The following ADAMTS20 variants were observed in gnomAD, a reference collection of about 807,000 sequenced individuals.
ADAMTS20 encodes the protein ADAM metallopeptidase with thrombospondin type 1 motif 20.
In ADAMTS20, 225 loss-of-function variants were observed where a neutral mutation model predicts 260.1. That is an observed-to-expected ratio of 0.87 (90% CI 0.78 to 0.97). The LOEUF is 0.97. Ranked by LOEUF, ADAMTS20 falls within the 50% of genes least tolerant of loss-of-function variation. ADAMTS20 has a pLI of 0.00. For synonymous variants in ADAMTS20, 802 were observed against 769.5 expected (o/e 1.04, Z -0.70); for missense variants, 2,400 against 2,337.7 (o/e 1.03, Z -0.55).
chr12:43,495,027 T>C (rs2137434872), intron 4 of ADAMTS20, among the ~76,000 whole-genome samples: 1 of 152,330 alleles, frequency 6.6e-6, no homozygotes, highest in South Asian at 2.1e-4. Context: ...TCTACATGGC[T>C]AACTACTATA....
chr12:43,483,107 T>G (rs1364219781), intron 7 of ADAMTS20, among the ~76,000 whole-genome samples: 4 of 152,090 alleles, frequency 2.6e-5, no homozygotes, highest in African/African-American at 9.7e-5. Flanking sequence ...CTCTTCCACC[T>G]CCATCAGAGC....
intron 2 of ADAMTS20, among the ~76,000 whole-genome samples, chr12:43,538,606 G>C (rs1272035005): frequency 2.0e-5 from 3 of 152,130 alleles, no homozygotes; most frequent in Non-Finnish European, 2.9e-5. Context: ...CCAATGTCCT[G>C]AACATTTTCC....
chr12:43,516,217 C>T (rs909539812), intron 3 of ADAMTS20, among the ~76,000 whole-genome samples: 13 of 149,518 alleles, frequency 8.7e-5, no homozygotes, highest in East Asian at 7.7e-4. Context: ...CATGCTAGGG[C>T]CAGCCAAAAC....
At chr12:43,442,665 A>G (rs1428944384) in intron 16 of ADAMTS20, among the ~76,000 whole-genome samples, 2 of 152,228 alleles carry the variant, frequency 1.3e-5, no homozygotes, top group Non-Finnish European at 1.5e-5. Context: ...TTTATCTCCA[A>G]TATGGTAGCA....
chr12:43,431,181 C>T (rs1403174981), intron 22 of ADAMTS20, 151 bp downstream of exon 22: 1 of 681,488 alleles, frequency 1.5e-6, no homozygotes, highest in Non-Finnish European at 2.4e-6. Flanking sequence ...ACATGTTACA[C>T]ATAAAGATTC....
At chr12:43,378,936 C>G (rs1940289000) in intron 31 of ADAMTS20, among the ~76,000 whole-genome samples, 1 of 152,156 alleles carries the variant, frequency 6.6e-6, no homozygotes, top group Non-Finnish European at 1.5e-5. Context: ...ACATGGCTAA[C>G]TTTTGGTAAG....
chr12:43,399,766 G>C (rs1170154143), intron 28 of ADAMTS20, among the ~76,000 whole-genome samples: 1 of 152,100 alleles, frequency 6.6e-6, no homozygotes, highest in African/African-American at 2.4e-5. Flanking sequence ...CAGTCTGGAA[G>C]ATGTCTTTCT....
At chr12:43,386,813 C>T (rs1223868352) in intron 29 of ADAMTS20, among the ~76,000 whole-genome samples, 4 of 152,172 alleles carry the variant, frequency 2.6e-5, no homozygotes, top group Non-Finnish European at 4.4e-5. Flanking sequence ...ACGAAGTTCT[C>T]GTGCTGTGTT....
At chr12:43,497,471 C>G (rs1210832169) in intron 4 of ADAMTS20, among the ~76,000 whole-genome samples, 1 of 152,086 alleles carries the variant, frequency 6.6e-6, no homozygotes, top group Non-Finnish European at 1.5e-5. Flanking sequence ...TTACAAAGAT[C>G]ATTACTCTTT....
At chr12:43,446,440 T>A (rs911486936) in intron 15 of ADAMTS20, among the ~76,000 whole-genome samples, 155 bp downstream of exon 15, 2 of 152,168 alleles carry the variant, frequency 1.3e-5, no homozygotes, top group Non-Finnish European at 1.5e-5. Context: ...AGTATTTAAT[T>A]TTTTTATATT....
intron 19 of ADAMTS20, among the ~76,000 whole-genome samples, chr12:43,433,164 G>T (rs993625946): frequency 1.3e-5 from 2 of 152,086 alleles, no homozygotes; most frequent in Admixed American, 1.3e-4. Context: ...TAAGTATTTC[G>T]ATTTTATGAC....
At chr12:43,402,870 T>C (rs971230153) in intron 28 of ADAMTS20, among the ~76,000 whole-genome samples, 3 of 150,038 alleles carry the variant, frequency 2.0e-5, no homozygotes, top group African/African-American at 2.5e-5. Flanking sequence ...AAACTGTTAC[T>C]GAGATTTTTT....
rs1292949384 is a variant in ADAMTS20, at chr12:43,460,998, T to A, written c.1614+1897A>T. 1.8e-3 allele frequency among the ~76,000 whole-genome samples: 141 copies of A among 78,710 alleles called. 1 individual carries two copies. The highest frequency in any genetic ancestry group is 3.0e-3 in the South Asian group (4 of 1,316). The allele number at this position is 78,710 out of a possible 152,430, so 51.6% of individuals were successfully genotyped here. A position where few individuals can be genotyped will look rare whatever the true frequency, so the allele number is the denominator to read the frequency against. Reference sequence around the variant, plus strand: ...TATATATATATATATATTTTTTTTTTTTTTTTTTTTTTTGAGACGAAGTCT... The same window carrying A: ...TATATATATATATATATTTTTTTTTATTTTTTTTTTTTTGAGACGAAGTCT... On this transcript the variant is annotated intron_variant, in intron 11 of 38. Transcript: ENST00000389420.
intron 19 of ADAMTS20, among the ~76,000 whole-genome samples, chr12:43,433,602 C>T (rs1417045605): frequency 1.3e-5 from 2 of 151,900 alleles, no homozygotes; most frequent in African/African-American, 4.8e-5. Context: ...TAAATGGCAC[C>T]TGCTACAATG....
intron 2 of ADAMTS20, among the ~76,000 whole-genome samples, chr12:43,545,165 C>T (rs892819932): frequency 1.1e-4 from 16 of 152,272 alleles, no homozygotes; most frequent in East Asian, 5.8e-4. Flanking sequence ...CTTCCTTACC[C>T]GCAGTAGGGT....
chr12:43,504,046 A>G (rs769829002), intron 3 of ADAMTS20, among the ~76,000 whole-genome samples: 1 of 152,014 alleles, frequency 6.6e-6, no homozygotes, highest in Non-Finnish European at 1.5e-5. Flanking sequence ...GTCTTTATAG[A>G]ACAATTTATA....
In ADAMTS20 at chr12:43,376,262, G is replaced by A; in HGVS notation, c.5194C>T (p.Leu1732Phe). 6.4e-7 allele frequency: 1 copy of A among 1,554,450 alleles called. No homozygotes were observed. Among genetic ancestry groups the A allele is most frequent in the Non-Finnish European group, 8.7e-7 (1 of 1,147,456 alleles). Residue 1732 changes from leucine (L) to phenylalanine (F), a missense_variant, in exon 34 of 39, where the codon CTT (leucine) becomes TTT (phenylalanine). Physicochemically the swap from Leu to Phe is conservative, Grantham distance 22. Transcript: ENST00000389420. ...NHIRKDGDYYLNIKGRIIKIY... is the reference protein window; with the variant it reads ...NHIRKDGDYYFNIKGRIIKIY... ...TTTATTATTCTTCCCTTAATGTTAAGGTAATAGTCACCATCCTTTCTAATG... is the reference window on the plus strand; with the variant it reads ...TTTATTATTCTTCCCTTAATGTTAAAGTAATAGTCACCATCCTTTCTAATG...
rs774691396 is a variant in ADAMTS20 at position 43,354,191 on chromosome 12, C to G, written c.*18G>C. 2 of 1,535,482 alleles carry G rather than the reference C, an allele frequency of 1.3e-6. No homozygotes were observed. Among genetic ancestry groups the G allele is most frequent in the South Asian group, 2.4e-5 (2 of 84,156 alleles). ...GAGAATATCCCCTCTTTAGGGCATA[C>G]TTCCCCCTTCTAAATGTTCATATGA... is the stretch of plus-strand genomic sequence containing the variant. On this transcript the variant is annotated 3_prime_UTR_variant, in exon 39 of 39. Transcript: ENST00000389420.
intron 12 of ADAMTS20, among the ~76,000 whole-genome samples, chr12:43,453,407 A>G (rs1941905315): frequency 6.6e-6 from 1 of 152,150 alleles, no homozygotes; most frequent in Admixed American, 6.6e-5. Context: ...TAGTTTGATG[A>G]GGGGGAGATA....
Sources: allele counts gnomAD v4.1 joint callset (sites outside exome capture counted in the v4.1 genomes callset), GRCh38; gene constraint gnomAD v4.1.1; transcripts MANE v1.5; gene names NCBI Gene and HGNC (gene_info 2026-07-23, HGNC 2026-07-21).